The following DLGAP2 variants were observed in gnomAD, a reference collection of about 807,000 sequenced individuals.
The protein encoded by DLGAP2 is DLG associated protein 2.
Under a neutral mutation model 100.3 loss-of-function variants are expected in DLGAP2, and 26 were observed. That is an observed-to-expected ratio of 0.26 (90% CI 0.19 to 0.36). DLGAP2 has a LOEUF of 0.36. Among genes scored for constraint, DLGAP2 ranks in the 10% least tolerant of loss-of-function variants. The probability of loss-of-function intolerance (pLI) is 1.00; values close to 1 mark genes in which losing one functional copy is unlikely to be tolerated. For missense variants in DLGAP2, 1,858 were observed against 1,453.2 expected, an observed-to-expected ratio of 1.28 and a Z score of -4.53; for synonymous variants, 886 against 630.1, an observed-to-expected ratio of 1.41 and a Z score of -6.08.
At chr8:1,405,354 G>C (rs1306704183) in intron 3 of DLGAP2, among the ~76,000 whole-genome samples, 1 of 20,640 alleles carries the variant, frequency 4.8e-5, no homozygotes, top group Non-Finnish European at 9.0e-5. Flanking sequence ...CTCCGGAGTC[G>C]TGTATTGAGT....
At chr8:1,358,794 A>C (rs1801912435) in intron 3 of DLGAP2, among the ~76,000 whole-genome samples, 1 of 152,012 alleles carries the variant, frequency 6.6e-6, no homozygotes, top group South Asian at 2.1e-4. Context: ...GCGGCCTGGA[A>C]CCGAACTGCC....
chr8:881,845 C>G (rs968351582), intron 1 of DLGAP2, among the ~76,000 whole-genome samples: 3 of 151,938 alleles, frequency 2.0e-5, no homozygotes, highest in African/African-American at 7.3e-5. Flanking sequence ...AAACATATGC[C>G]CTGTCACTTT....
At chr8:1,302,190 AC>A (rs1220400512) in intron 3 of DLGAP2, 4 of 151,846 alleles carry the variant, frequency 2.6e-5, no homozygotes, top group African/African-American at 4.9e-5. Context: ...CATACCTGGG[AC>A]CGGACTCGGA....
In DLGAP2 at chr8:1,278,677, G is replaced by A. The variant is rs192148245; in HGVS notation, c.106+19794G>A. ...TCTTCTCTACCTTACCTAATCAGTG[G>A]TGTGACCCTCTTATCTATATGTTTT... On this transcript the variant is annotated intron_variant, in intron 3 of 14. Coordinates refer to ENST00000637795, the MANE Select transcript of DLGAP2 (RefSeq NM_001346810.2). Among the ~76,000 whole-genome samples the A allele has an allele frequency of 2.5e-3, 377 of 152,238 alleles. 3 individuals carry two copies. Among genetic ancestry groups the A allele is most frequent in the African/African-American group, 8.7e-3 (362 of 41,530 alleles).
chr8:1,625,222 C>T (rs893934977), intron 6 of DLGAP2, among the ~76,000 whole-genome samples: 19 of 152,190 alleles, frequency 1.2e-4, no homozygotes, highest in African/African-American at 4.6e-4. Flanking sequence ...TTCCTATTAT[C>T]ATCCAAAACA....
chr8:1,634,986 G>C (rs1797734151), intron 8 of DLGAP2, among the ~76,000 whole-genome samples: 2 of 152,126 alleles, frequency 1.3e-5, no homozygotes, highest in African/African-American at 4.8e-5. Context: ...ATTTCCTCTA[G>C]GTGATGCAGG....
chr8:1,497,264 G>T (rs936049467), intron 3 of DLGAP2, among the ~76,000 whole-genome samples: 2 of 152,190 alleles, frequency 1.3e-5, no homozygotes, highest in Non-Finnish European at 2.9e-5. Flanking sequence ...AGAGGTCGGC[G>T]CTGTCAGTTT....
At chr8:1,170,619 T>C (rs1466283895) in intron 2 of DLGAP2, among the ~76,000 whole-genome samples, 1 of 137,516 alleles carries the variant, frequency 7.3e-6, no homozygotes, top group East Asian at 2.1e-4. Context: ...TGGGAGAGTG[T>C]ATGTGTCGAG....
intron 6 of DLGAP2, among the ~76,000 whole-genome samples, chr8:1,600,448 A>G (rs1462562664): frequency 1.3e-5 from 2 of 152,046 alleles, no homozygotes; most frequent in African/African-American, 4.8e-5. Flanking sequence ...GTTCTCCTGG[A>G]TTATATCCTG....
chr8:823,559 G>C (rs1054976664), intron 1 of DLGAP2, among the ~76,000 whole-genome samples: 1 of 152,150 alleles, frequency 6.6e-6, no homozygotes. Flanking sequence ...ACTTCCGTCA[G>C]CTCCAGCAGC....
At chr8:1,302,321 GC>G (rs1800370788) in intron 3 of DLGAP2, 1 of 118,392 alleles carries the variant, frequency 8.4e-6, no homozygotes, top group African/African-American at 4.2e-5. Flanking sequence ...GAGTTCCCGA[GC>G]TCTGCTCCAC....
chr8:1,613,785 C>T (rs1057367430), intron 6 of DLGAP2, among the ~76,000 whole-genome samples: 1 of 152,152 alleles, frequency 6.6e-6, no homozygotes, highest in African/African-American at 2.4e-5. Context: ...ATTCTGAATT[C>T]ATGTCCACCC....
At chr8:1,672,128 G>C (rs1798704261) in intron 10 of DLGAP2, among the ~76,000 whole-genome samples, 1 of 152,236 alleles carries the variant, frequency 6.6e-6, no homozygotes, top group South Asian at 2.1e-4. Context: ...AGGAGGGACG[G>C]AGGCCTGGTC....
chr8:1,418,315 A>G (rs1018028978), intron 3 of DLGAP2, among the ~76,000 whole-genome samples: 1 of 152,236 alleles, frequency 6.6e-6, no homozygotes, highest in Non-Finnish European at 1.5e-5. Context: ...TTCACTTTAG[A>G]TGGCCTCAAA....
At chr8:1,087,123 T>TA (rs1248358930) in intron 2 of DLGAP2, among the ~76,000 whole-genome samples, 3 of 152,022 alleles carry the variant, frequency 2.0e-5, no homozygotes, top group East Asian at 1.9e-4. Flanking sequence ...CATAAATAGA[T>TA]AAAAAAGTTA....
At chr8:1,048,506 C>G (rs957678610) in intron 2 of DLGAP2, among the ~76,000 whole-genome samples, 2 of 151,850 alleles carry the variant, frequency 1.3e-5, no homozygotes, top group East Asian at 2.0e-4. Context: ...GTGGGCCCTG[C>G]TATACTCCGC....
intron 1 of DLGAP2, among the ~76,000 whole-genome samples, chr8:802,336 C>T (rs1796185672): frequency 6.6e-6 from 1 of 152,266 alleles, no homozygotes. Flanking sequence ...AGTCCGCGCT[C>T]CTCCTGGGTC....
chr8:1,511,250 G>A (rs1402199994), intron 4 of DLGAP2, among the ~76,000 whole-genome samples: 4 of 151,946 alleles, frequency 2.6e-5, no homozygotes, highest in East Asian at 1.9e-4. Context: ...TTCCATGGAC[G>A]TAAGGGCTGT....
At chr8:1,556,045 TCA>T (rs1240561843) in intron 5 of DLGAP2, among the ~76,000 whole-genome samples, 3 of 152,200 alleles carry the variant, frequency 2.0e-5, no homozygotes, top group African/African-American at 7.2e-5. Context: ...TACATGTAAC[TCA>T]AGATGGTCGT....
Sources: gnomAD v4.1 joint callset for allele counts (sites outside exome capture counted in the v4.1 genomes callset) on GRCh38, gnomAD v4.1.1 for gene constraint, MANE v1.5 for transcripts, NCBI Gene and HGNC (gene_info 2026-07-23, HGNC 2026-07-21) for gene names.